MLPH: variants seen among roughly 807,000 people sequenced by gnomAD.
The protein encoded by MLPH is exophilin-3.
In MLPH, 51 loss-of-function variants were observed where a neutral mutation model predicts 72.1. The ratio of observed to expected loss-of-function variants is 0.71; its 90% CI spans 0.56 to 0.89. The LOEUF (loss-of-function observed/expected upper bound fraction) is 0.89. Among genes scored for constraint, MLPH ranks in the 40% least tolerant of loss-of-function variants. The pLI is 0.00. For missense variants in MLPH, 743 were observed against 759.9 expected, an observed-to-expected ratio of 0.98 and a Z score of 0.26; for synonymous variants, 301 against 310.1, an observed-to-expected ratio of 0.97 and a Z score of 0.31.
intron 14 of MLPH, among the ~76,000 whole-genome samples, chr2:237,549,498 G>A (rs2080990005): frequency 6.6e-6 from 1 of 152,200 alleles, no homozygotes; most frequent in South Asian, 2.1e-4. Flanking sequence ...TGCAAAGGGG[G>A]CCCTGGTGGC....
intron 8 of MLPH, 53 bp from the exon 9 acceptor site, chr2:237,534,511 C>A: frequency 6.8e-7 from 1 of 1,471,248 alleles, no homozygotes; most frequent in Non-Finnish European, 9.5e-7. Flanking sequence ...CAGTGTCTTG[C>A]TGGTTGGAGT....
At chr2:237,499,750 T>G (rs2079607949) in intron 2 of MLPH, among the ~76,000 whole-genome samples, 1 of 152,162 alleles carries the variant, frequency 6.6e-6, no homozygotes, top group East Asian at 1.9e-4. Context: ...TACTTTTTTT[T>G]TGTTTGTTTT....
Position 237,511,177 on chromosome 2 carries a change from T to A in MLPH, c.445+76T>A, listed in dbSNP as rs925130293. On this transcript the variant is annotated intron_variant, in intron 4 of 15. Coordinates refer to ENST00000264605, the MANE Select transcript of MLPH (RefSeq NM_024101.7). Reference sequence around the variant, plus strand: ...TATTAAAGCAGGTTCCTTTGGAGTGTGCATGTGTGTGTGTACGTGTGTGTG... The same window carrying A: ...TATTAAAGCAGGTTCCTTTGGAGTGAGCATGTGTGTGTGTACGTGTGTGTG... 4 of 1,126,018 alleles carry A rather than the reference T, an allele frequency of 3.6e-6. No individual in the cohort carries two copies. In the African/African-American group the frequency reaches 6.1e-5, roughly 17 times the overall value. 69.8% of individuals were successfully genotyped at this position (1,126,018 alleles called of 1,614,324 possible). A position where few individuals can be genotyped will look rare whatever the true frequency, so the allele number is the denominator to read the frequency against.
intron 7 of MLPH, 85 bp downstream of exon 7, chr2:237,525,890 T>C (rs886971618): frequency 7.6e-7 from 1 of 1,318,452 alleles, no homozygotes; most frequent in Middle Eastern, 2.5e-4. Context: ...CCCTGACCTA[T>C]CCAACACACG....
At chr2:237,526,045 C>T (rs1441632182) in intron 7 of MLPH, among the ~76,000 whole-genome samples, 1 of 152,200 alleles carries the variant, frequency 6.6e-6, no homozygotes, top group Non-Finnish European at 1.5e-5. Flanking sequence ...GTGGCCAGCC[C>T]ACAGCTCCCT....
intron 2 of MLPH, among the ~76,000 whole-genome samples, chr2:237,502,827 A>AT (rs965709300): frequency 2.0e-5 from 3 of 151,760 alleles, no homozygotes; most frequent in Non-Finnish European, 2.9e-5. Flanking sequence ...TTTAAAAAAA[A>AT]TTTTTTTTTG....
At chr2:237,531,934 G>T (rs2080429790) in intron 8 of MLPH, among the ~76,000 whole-genome samples, 1 of 152,222 alleles carries the variant, frequency 6.6e-6, no homozygotes, top group South Asian at 2.1e-4. Flanking sequence ...AGTTTCAGCT[G>T]TGAAACATGT....
In MLPH at chr2:237,519,613, T is replaced by C. The variant is rs10176842; in HGVS notation, c.556-297T>C. Among the ~76,000 whole-genome samples, 62,818 of 151,890 alleles carry C rather than the reference T, an allele frequency of 0.41. 16,575 individuals carry two copies. Among genetic ancestry groups the C allele is most frequent in the African/African-American group, 0.75 (31,294 of 41,498 alleles). ...CAGCTTGCCTGCCCCCTAGGCGGGG[T>C]CCCTGGGGCAAGTGCAGGGGTTCAG... is the stretch of plus-strand genomic sequence containing the variant. On this transcript the variant is annotated intron_variant, in intron 5 of 15. Coordinates refer to ENST00000264605, the MANE Select transcript of MLPH (RefSeq NM_024101.7).
At chr2:237,531,541 G>A (rs777022375) in intron 8 of MLPH, among the ~76,000 whole-genome samples, 25 of 152,142 alleles carry the variant, frequency 1.6e-4, no homozygotes, top group Non-Finnish European at 3.2e-4. Flanking sequence ...AAAATACATA[G>A]CGTGGTTTCC....
chr2:237,510,827 G>C lies in MLPH; in HGVS notation c.332+32G>C. 6.2e-7 allele frequency: 1 copy of C among 1,611,432 alleles called. No homozygotes were observed. The highest frequency in any genetic ancestry group is 8.5e-7 in the Non-Finnish European group (1 of 1,178,704). ...CCAGGCCTTGAGGTAAAATGACCTTGATAGTTTCTGGATCTGGCGTGTCCC... is the reference window on the plus strand; with the variant it reads ...CCAGGCCTTGAGGTAAAATGACCTTCATAGTTTCTGGATCTGGCGTGTCCC... On this transcript the variant is annotated intron_variant, in intron 3 of 15. Coordinates refer to ENST00000264605, the MANE Select transcript of MLPH (RefSeq NM_024101.7). The surrounding 1 kb of genome is among the most constrained non-coding windows in gnomAD (Gnocchi z 4.4).
intron 8 of MLPH, among the ~76,000 whole-genome samples, chr2:237,533,390 C>CTTTTTTTTTTTTT (rs746139615): frequency 9.2e-4 from 99 of 107,984 alleles, no homozygotes; most frequent in African/African-American, 1.4e-3. Context: ...ATTTTCTTTT[C>CTTTTTTTTTTTTT]TTTTTTTTTT....
At position 237,497,538 on chromosome 2, in the gene MLPH, C is replaced by A. The variant is rs76699467; in HGVS notation, c.110+4002C>A. 3.7e-3 allele frequency among the ~76,000 whole-genome samples: 568 copies of A among 152,328 alleles called. 1 individual carries two copies. The highest frequency in any genetic ancestry group is 8.8e-3 in the Admixed American group (134 of 15,304). On this transcript the variant is annotated intron_variant, in intron 2 of 15. Transcript: ENST00000264605. ...ACTTGAGCACCGCAAGGTCAAAACA[C>A]GCCTCGCAGTGTGCTCTGCTCAAAC...
At chr2:237,517,079 G>A (rs568502774) in intron 4 of MLPH, among the ~76,000 whole-genome samples, 4 of 151,634 alleles carry the variant, frequency 2.6e-5, no homozygotes, top group African/African-American at 7.3e-5. Context: ...ATAGGTAAGT[G>A]GATGGGTGGA....
chr2:237,510,822 A>AC lies in MLPH; in HGVS notation c.332+29dup, dbSNP rs769808751. On this transcript the variant is annotated intron_variant, in intron 3 of 15. Transcript: ENST00000264605. The surrounding 1 kb of genome is among the most constrained non-coding windows in gnomAD (Gnocchi z 4.4). ...TGAGCCCAGGCCTTGAGGTAAAATG[A>AC]CCTTGATAGTTTCTGGATCTGGCGT... 2 of 1,611,928 alleles carry AC rather than the reference A, an allele frequency of 1.2e-6. No individual in the cohort carries two copies. Among genetic ancestry groups the AC allele is most frequent in the Admixed American group, 3.3e-5 (2 of 60,002 alleles).
At chr2:237,490,552 A>G (rs1248502265) in intron 1 of MLPH, among the ~76,000 whole-genome samples, 1 of 152,192 alleles carries the variant, frequency 6.6e-6, no homozygotes, top group African/African-American at 2.4e-5. Context: ...TAAGTTTCTC[A>G]AACTGAGGCC....
chr2:237,545,701 T>C (rs2106404823), intron 12 of MLPH: 2 of 1,197,170 alleles, frequency 1.7e-6, no homozygotes, highest in African/African-American at 1.6e-5. Context: ...GACAAAACCA[T>C]CCTGATTAGG....
chr2:237,509,151 G>A (rs529432185), intron 2 of MLPH, among the ~76,000 whole-genome samples: 59 of 152,226 alleles, frequency 3.9e-4, no homozygotes, highest in African/African-American at 1.3e-3. Context: ...CTCCCTTCCT[G>A]GTCTCTGGCT....
intron 12 of MLPH, 93 bp downstream of exon 12, chr2:237,542,752 G>GGC: frequency 5.0e-6 from 3 of 601,918 alleles, no homozygotes; most frequent in African/African-American, 1.3e-4. Flanking sequence ...GTGGTGAGTG[G>GGC]AGGGACAGTG....
chr2:237,491,326 A>T (rs911399698), intron 1 of MLPH, among the ~76,000 whole-genome samples: 25 of 152,242 alleles, frequency 1.6e-4, no homozygotes, highest in Non-Finnish European at 3.5e-4. Context: ...ACTTATTGAA[A>T]TTACGAGGTG....
Sources: allele counts gnomAD v4.1 joint callset (sites outside exome capture counted in the v4.1 genomes callset), GRCh38; gene constraint gnomAD v4.1.1; non-coding constraint Gnocchi (gnomAD v3.1); transcripts MANE v1.5; gene names NCBI Gene and HGNC (gene_info 2026-07-23, HGNC 2026-07-21).